The following OAS3 variants were observed in gnomAD, a reference collection of about 807,000 sequenced individuals.
OAS3 encodes 2'-5'-oligoadenylate synthase 3.
A neutral mutation model predicts 113.0 loss-of-function variants in OAS3; 107 were observed. That is an observed-to-expected ratio of 0.95 (90% CI 0.81 to 1.11). The LOEUF (loss-of-function observed/expected upper bound fraction) is 1.11. Among genes scored for constraint, OAS3 ranks in the 50% most tolerant of loss-of-function variants. The pLI is 0.00. For missense variants in OAS3, 1,258 were observed against 1,389.1 expected, an observed-to-expected ratio of 0.91 and a Z score of 1.50; for synonymous variants, 552 against 573.6, an observed-to-expected ratio of 0.96 and a Z score of 0.54.
At position 112,954,169 on chromosome 12, in the gene OAS3, G is replaced by C. The variant is rs1385140862; in HGVS notation, c.1657+3194G>C. On this transcript the variant is annotated intron_variant, in intron 7 of 15. Coordinates refer to ENST00000228928, the MANE Select transcript of OAS3 (RefSeq NM_006187.4). This position sits in a 1 kb window ranked among gnomAD's most constrained non-coding sequence, Gnocchi z 4.0. ...TCCATCTTGAATTAATTTTGTATAA[G>C]GTGTAAGGAAAGGATACAGTTTCAG... Among the ~76,000 whole-genome samples the C allele has an allele frequency of 6.6e-6, 1 of 152,178 alleles. No individual in the cohort carries two copies. Among genetic ancestry groups the C allele is most frequent in the Non-Finnish European group, 1.5e-5 (1 of 68,038 alleles).
At chr12:112,949,299 G>A in intron 6 of OAS3, 94 bp downstream of exon 6, 1 of 1,116,598 alleles carries the variant, frequency 9.0e-7, no homozygotes, top group Admixed American at 2.1e-5. Flanking sequence ...AGGTTGGGCT[G>A]GGGAACTGGA....
rs554264211 is a variant in OAS3 at position 112,954,096 on chromosome 12, T to C, written c.1657+3121T>C. On this transcript the variant is annotated intron_variant, in intron 7 of 15. Coordinates refer to ENST00000228928, the MANE Select transcript of OAS3 (RefSeq NM_006187.4). The surrounding 1 kb of genome is among the most constrained non-coding windows in gnomAD (Gnocchi z 4.0). Reference sequence around the variant, plus strand: ...ATGTCCTGAATGGTATTGCCTAGGTTTTCTTCTAGGGTTTTTATGGTTTTA... The same window carrying C: ...ATGTCCTGAATGGTATTGCCTAGGTCTTCTTCTAGGGTTTTTATGGTTTTA... 7.1e-4 allele frequency among the ~76,000 whole-genome samples: 108 copies of C among 152,326 alleles called. No individual in the cohort carries two copies. Among genetic ancestry groups the C allele is most frequent in the Middle Eastern group, 3.4e-3 (1 of 294 alleles).
At chr12:112,958,918 G>A (rs2043859097) in intron 7 of OAS3, among the ~76,000 whole-genome samples, 1 of 152,222 alleles carries the variant, frequency 6.6e-6, no homozygotes, top group African/African-American at 2.4e-5. Flanking sequence ...GCTGCCTTTT[G>A]TTCAGCTATG....
rs1454638322 is a variant in OAS3, at chr12:112,973,224, C to T, written c.*3251C>T. 6.6e-6 allele frequency: 1 copy of T among 152,192 alleles called. No homozygotes were observed. The highest frequency in any genetic ancestry group is 2.4e-5 in the African/African-American group (1 of 41,458). 9.4% of individuals were successfully genotyped at this position (152,192 alleles called of 1,614,324 possible). ...TGCTGTGTATTTCATCTATTGCCAA[C>T]ATTTCATATAAATGGCATCATACAA... On this transcript the variant is annotated 3_prime_UTR_variant, in exon 16 of 16. Transcript: ENST00000228928.
intron 4 of OAS3, 58 bp from the exon 5 acceptor site, chr12:112,947,888 C>A: frequency 2.1e-6 from 3 of 1,454,582 alleles, no homozygotes; most frequent in Non-Finnish European, 2.8e-6. Flanking sequence ...GAACCAGGTC[C>A]GTTTCACTCC....
intron 7 of OAS3, among the ~76,000 whole-genome samples, chr12:112,959,668 C>T (rs2043865154): frequency 6.6e-6 from 1 of 152,140 alleles, no homozygotes; most frequent in African/African-American, 2.4e-5. Context: ...ATCTCATCCT[C>T]CATGGCTTTT....
chr12:112,950,646 C>T (rs768472491), intron 6 of OAS3, 47 bp from the exon 7 acceptor site: 1 of 1,595,360 alleles, frequency 6.3e-7, no homozygotes, highest in African/African-American at 1.3e-5. Flanking sequence ...AGTCCGACTC[C>T]CAGGCTCCTA....
rs2043951805 is a variant in OAS3, at chr12:112,968,028, C to T, written c.2958C>T (p.Asp986=). Residue 986 remains aspartate, a synonymous_variant, in exon 14 of 16, where the codon GAC becomes GAT. Transcript: ENST00000228928. The stretch of plus-strand genomic sequence containing the variant: ...ATGCCTGGGAGCAGGGCGGGAAGGA[C>T]TCCCAGTTCAACATGGCTGAGGGCT... ...TVYAWEQGGK[D]SQFNMAEGFR... is the part of the protein sequence containing the mutation. 1.2e-6 allele frequency: 2 copies of T among 1,614,044 alleles called. No homozygotes were observed. Among genetic ancestry groups the T allele is most frequent in the Non-Finnish European group, 1.7e-6 (2 of 1,179,900 alleles).
In OAS3 at chr12:112,970,307, CT is replaced by C; in HGVS notation, c.*335del. 4.9e-6 allele frequency: 2 copies of C among 408,866 alleles called. No individual in the cohort carries two copies. Among genetic ancestry groups the C allele is most frequent in the East Asian group, 4.9e-5 (1 of 20,538 alleles). The allele number at this position is 408,866 out of a possible 1,614,324, so 25.3% of individuals were successfully genotyped here. ...CCCAGCTGAGAATGCCCCCTCCTCC[CT>C]GACTCCTCTCTGCCCATGCAAATTA... On this transcript the variant is annotated 3_prime_UTR_variant, in exon 16 of 16. Transcript: ENST00000228928.
In OAS3 at chr12:112,969,948, T is replaced by C. The variant is rs758170396; in HGVS notation, c.3253-14T>C. The C allele has an allele frequency of 2.8e-5, 45 of 1,607,086 alleles. No individual in the cohort carries two copies. The highest frequency in any genetic ancestry group is 3.2e-5 in the Non-Finnish European group (38 of 1,176,734). On this transcript the variant is annotated splice_polypyrimidine_tract_variant and intron_variant, in intron 15 of 15. Transcript: ENST00000228928. The stretch of plus-strand genomic sequence containing the variant: ...AGAATGGGGTTACCAACATCTCTTA[T>C]AATACTTCCCCAGGCTGCTGTGTGA...
At chr12:112,952,361 T>C (rs2043800299) in intron 7 of OAS3, among the ~76,000 whole-genome samples, 1 of 152,214 alleles carries the variant, frequency 6.6e-6, no homozygotes. Flanking sequence ...TTTCCTGACG[T>C]ACCCTCTCTA....
chr12:112,947,017 C>A, intron 4 of OAS3, 36 bp downstream of exon 4: 1 of 1,567,026 alleles, frequency 6.4e-7, no homozygotes, highest in South Asian at 1.1e-5. Flanking sequence ...CTCTCCTGTC[C>A]CGGGGCCAGG....
In OAS3 at chr12:112,966,726, C is replaced by T. The variant is rs950049708; in HGVS notation, c.2690-692C>T. On this transcript the variant is annotated intron_variant, in intron 12 of 15. Transcript: ENST00000228928. ...GCACCATCATGACTCAATGCAGCCT[C>T]AAACTCCTGGGCTCAAGTGATCCTC... 4.7e-4 allele frequency among the ~76,000 whole-genome samples: 72 copies of T among 152,150 alleles called. 2 individuals are homozygous for T. Among genetic ancestry groups the T allele is most frequent in the Non-Finnish European group, 1.8e-4 (12 of 68,038 alleles).
intron 8 of OAS3, among the ~76,000 whole-genome samples, chr12:112,962,211 A>G (rs1292399856): frequency 1.3e-5 from 2 of 152,170 alleles, no homozygotes; most frequent in African/African-American, 2.4e-5. Context: ...ACAAACATCT[A>G]TCGAGCACCT....
At chr12:112,969,283 T>C (rs752669063) in intron 14 of OAS3, 27 of 321,080 alleles carry the variant, frequency 8.4e-5, no homozygotes, top group Admixed American at 2.0e-4. Flanking sequence ...TAAGAAATAC[T>C]CAACCTGTAT....
At position 112,955,731 on chromosome 12, in the gene OAS3, A is replaced by C. The variant is rs576670278; in HGVS notation, c.1657+4756A>C. Among the ~76,000 whole-genome samples the C allele has an allele frequency of 2.0e-5, 3 of 152,290 alleles. No individual in the cohort carries two copies. In the South Asian group the frequency reaches 6.2e-4, roughly 32 times the overall value. ...GCTGGATTCAGTTTGCCAGTATTTT[A>C]TTGAGGATTTTTGCATAGATGTTTT... On this transcript the variant is annotated intron_variant, in intron 7 of 15. Coordinates refer to ENST00000228928, the MANE Select transcript of OAS3 (RefSeq NM_006187.4).
chr12:112,938,729 T>C, intron 1 of OAS3, 22 bp downstream of exon 1: 2 of 1,339,614 alleles, frequency 1.5e-6, no homozygotes, highest in Admixed American at 5.4e-5. Flanking sequence ...CCTCGGGGTC[T>C]TTATGTGTCC....
At chr12:112,945,897 C>T (rs1264277507) in intron 3 of OAS3, among the ~76,000 whole-genome samples, 1 of 152,146 alleles carries the variant, frequency 6.6e-6, no homozygotes, top group African/African-American at 2.4e-5. Context: ...GAGGCTGAGG[C>T]GTGAAGATCA....
intron 7 of OAS3, among the ~76,000 whole-genome samples, chr12:112,951,399 A>G (rs2043790338): frequency 6.6e-6 from 1 of 152,154 alleles, no homozygotes; most frequent in Admixed American, 6.5e-5. Context: ...AGTCAATGCA[A>G]TTAAAGCTAC....
Sources: allele counts gnomAD v4.1 joint callset (sites outside exome capture counted in the v4.1 genomes callset), GRCh38; gene constraint gnomAD v4.1.1; non-coding constraint Gnocchi (gnomAD v3.1); transcripts MANE v1.5; gene names NCBI Gene and HGNC (gene_info 2026-07-23, HGNC 2026-07-21).